ARID4A: variants seen among roughly 807,000 people sequenced by gnomAD.
ARID4A encodes AT-rich interactive domain-containing protein 4A.
Under a neutral mutation model 148.6 loss-of-function variants are expected in ARID4A, and 39 were observed. That is an observed-to-expected ratio of 0.26 (90% CI 0.20 to 0.34). ARID4A has a LOEUF of 0.34. Ranked by LOEUF, ARID4A falls within the 10% of genes least tolerant of loss-of-function variation. ARID4A has a pLI of 1.00. For missense variants in ARID4A, 1,265 were observed against 1,449.1 expected, an observed-to-expected ratio of 0.87 and a Z score of 2.06; for synonymous variants, 475 against 481.2, an observed-to-expected ratio of 0.99 and a Z score of 0.17.
chr14:58,337,246 T>TTATATACATATATATATATATATATATA (rs2033871046), intron 11 of ARID4A, among the ~76,000 whole-genome samples: 1 of 83,818 alleles, frequency 1.2e-5, no homozygotes, highest in Non-Finnish European at 2.5e-5. Context: ...TTCTCTTTAT[T>TTATATACATATATATATATATATATATA]TATATATATA....
At chr14:58,327,936 A>G (rs1361605879) in intron 8 of ARID4A, among the ~76,000 whole-genome samples, 1 of 152,160 alleles carries the variant, frequency 6.6e-6, no homozygotes, top group Non-Finnish European at 1.5e-5. Context: ...ACCTCCCAAA[A>G]TGCTGGGATT....
At position 58,352,345 on chromosome 14, in the gene ARID4A, A is replaced by G. The variant is rs143788792; in HGVS notation, c.1655+1022A>G. On this transcript the variant is annotated intron_variant, in intron 16 of 23. Transcript: ENST00000355431. ...TAATGAAATATAATTAGGATTAGGAAAAGTAGGAGGAACTAATTGGAGTTG... is the reference window on the plus strand; with the variant it reads ...TAATGAAATATAATTAGGATTAGGAGAAGTAGGAGGAACTAATTGGAGTTG... Among the ~76,000 whole-genome samples the G allele has an allele frequency of 2.7e-4, 41 of 152,324 alleles. No homozygotes were observed. In the East Asian group the frequency reaches 7.9e-3, roughly 29 times the overall value.
chr14:58,327,290 A>G (rs1301896274), intron 8 of ARID4A, among the ~76,000 whole-genome samples: 1 of 152,232 alleles, frequency 6.6e-6, no homozygotes, highest in Non-Finnish European at 1.5e-5. Flanking sequence ...GCTGGAATGT[A>G]GCAGAGAGAG....
Position 58,328,318 on chromosome 14 carries a change from T to A in ARID4A, c.662+2T>A. The A allele has an allele frequency of 6.3e-7, 1 of 1,576,576 alleles. No individual in the cohort carries two copies. Among genetic ancestry groups the A allele is most frequent in the Non-Finnish European group, 8.7e-7 (1 of 1,146,890 alleles). ...TCGATCATTTATTGATTCTAAATTG[T>A]GAGTAATGAATCCTTTAATGATGTT... On this transcript the variant is annotated splice_donor_variant, in intron 9 of 23. Transcript: ENST00000355431. LOFTEE classifies it high-confidence loss of function.
chr14:58,362,769 G>A (rs916193743), intron 19 of ARID4A, among the ~76,000 whole-genome samples: 3 of 151,992 alleles, frequency 2.0e-5, no homozygotes, highest in Non-Finnish European at 4.4e-5. Flanking sequence ...TGTTAGCCAC[G>A]CTGGTCTCGC....
At chr14:58,306,186 T>G in intron 5 of ARID4A, 74 bp downstream of exon 5, 1 of 1,042,382 alleles carries the variant, frequency 9.6e-7, no homozygotes, top group Non-Finnish European at 1.5e-6. Flanking sequence ...ATACACTGAA[T>G]CATTGTGTTG....
intron 12 of ARID4A, 122 bp downstream of exon 12, chr14:58,344,889 T>C: frequency 2.7e-6 from 2 of 748,938 alleles, no homozygotes; most frequent in South Asian, 3.9e-5. Context: ...TTTATTTATT[T>C]TGAGGCAGGT....
At chr14:58,315,016 G>A (rs1269696590) in intron 5 of ARID4A, among the ~76,000 whole-genome samples, 1 of 152,084 alleles carries the variant, frequency 6.6e-6, no homozygotes, top group Non-Finnish European at 1.5e-5. Flanking sequence ...CTACTTGGGA[G>A]GCTGAGGCAC....
intron 19 of ARID4A, among the ~76,000 whole-genome samples, chr14:58,362,941 C>T (rs991542077): frequency 2.6e-5 from 4 of 152,100 alleles, no homozygotes; most frequent in Non-Finnish European, 5.9e-5. Context: ...TACATGTTTG[C>T]TATTAGTCCA....
intron 3 of ARID4A, among the ~76,000 whole-genome samples, chr14:58,302,384 C>T (rs1178335978): frequency 2.0e-5 from 3 of 152,176 alleles, no homozygotes; most frequent in African/African-American, 7.2e-5. Flanking sequence ...ATCCCAGCTG[C>T]TCAGGAGGCT....
chr14:58,367,675 G>A (rs536773057), intron 23 of ARID4A, among the ~76,000 whole-genome samples: 1 of 152,198 alleles, frequency 6.6e-6, no homozygotes, highest in Admixed American at 6.5e-5. Flanking sequence ...CCCTTCGGGG[G>A]TTGTAGGATT....
intron 23 of ARID4A, among the ~76,000 whole-genome samples, chr14:58,370,552 C>T (rs1207366655): frequency 6.6e-6 from 1 of 152,188 alleles, no homozygotes. Context: ...CCACCTCGTC[C>T]TCCCAAAGTG....
chr14:58,302,174 G>A lies in ARID4A; in HGVS notation c.117+484G>A, dbSNP rs150380561. ...GGAGTTCAAGAGCAGCCTGGCCAAC[G>A]TGGCGAAACCCTGTCTCTACTAAAA... On this transcript the variant is annotated intron_variant, in intron 3 of 23. Transcript: ENST00000355431. Among the ~76,000 whole-genome samples, 1,269 of 152,092 alleles carry A rather than the reference G, an allele frequency of 8.3e-3. 23 individuals carry two copies. Among genetic ancestry groups the A allele is most frequent in the African/African-American group, 0.028 (1,176 of 41,478 alleles).
At chr14:58,300,108 G>T (rs2031017387) in intron 2 of ARID4A, among the ~76,000 whole-genome samples, 1 of 152,218 alleles carries the variant, frequency 6.6e-6, no homozygotes, top group African/African-American at 2.4e-5. Context: ...CATTCGGATA[G>T]TATTTTTAAA....
chr14:58,314,134 T>C (rs1490099572), intron 5 of ARID4A, among the ~76,000 whole-genome samples: 2 of 152,246 alleles, frequency 1.3e-5, no homozygotes, highest in Non-Finnish European at 2.9e-5. Flanking sequence ...AAAGCCATTT[T>C]TGGAAAATAT....
rs565416260 is a variant in ARID4A at position 58,343,620 on chromosome 14, G to A, written c.907-1075G>A. Among the ~76,000 whole-genome samples, 104 of 152,224 alleles carry A rather than the reference G, an allele frequency of 6.8e-4. 1 individual carries two copies. The South Asian group carries it at 0.021, about 30-fold the overall frequency. On this transcript the variant is annotated intron_variant, in intron 11 of 23. Coordinates refer to ENST00000355431, the MANE Select transcript of ARID4A (RefSeq NM_002892.4). ...GGAGTGGGCGGATCACTTGAGGTCA[G>A]GAGTTTGAGACTAGCCTGGCCAAAT...
At chr14:58,362,370 C>T (rs2035170845) in intron 19 of ARID4A, among the ~76,000 whole-genome samples, 1 of 152,142 alleles carries the variant, frequency 6.6e-6, no homozygotes, top group Admixed American at 6.5e-5. Flanking sequence ...AAAAGGATCA[C>T]TTGAGCCCAG....
Position 58,373,159 on chromosome 14 carries a change from A to T in ARID4A, c.*1170A>T, listed in dbSNP as rs1459755092. ...GATCAAATTTTTGGTTGCCCTTAAG[A>T]TACTTTGTCACAGTTTTTATGTTTG... is the stretch of plus-strand genomic sequence containing the variant. On this transcript the variant is annotated 3_prime_UTR_variant, in exon 24 of 24. Transcript: ENST00000355431. The T allele has an allele frequency of 5.0e-6, 1 of 200,286 alleles. No individual in the cohort carries two copies. The highest frequency in any genetic ancestry group is 6.0e-5 in the Admixed American group (1 of 16,576). The allele number at this position is 200,286 out of a possible 1,614,324, so 12.4% of individuals were successfully genotyped here.
intron 5 of ARID4A, among the ~76,000 whole-genome samples, chr14:58,312,354 T>C (rs1179484317): frequency 1.3e-5 from 2 of 151,952 alleles, no homozygotes; most frequent in Non-Finnish European, 2.9e-5. Flanking sequence ...GTAGCTGGGA[T>C]TACAGGCATA....
Sources: allele counts gnomAD v4.1 joint callset (sites outside exome capture counted in the v4.1 genomes callset), GRCh38; gene constraint gnomAD v4.1.1; transcripts MANE v1.5; gene names NCBI Gene and HGNC (gene_info 2026-07-23, HGNC 2026-07-21).